The following ANK2 variants were observed in gnomAD, a reference collection of about 807,000 sequenced individuals.
ANK2 encodes the protein ankyrin-2.
ANK2 carries 83 observed loss-of-function variants against 360.5 expected under a neutral mutation model. The ratio of observed to expected loss-of-function variants is 0.23; its 90% CI spans 0.19 to 0.28. The LOEUF is 0.28. Ranked by LOEUF, ANK2 falls within the 10% of genes least tolerant of loss-of-function variation. The pLI is 1.00. For synonymous variants in ANK2, 1,740 were observed against 1,759.5 expected, an observed-to-expected ratio of 0.99 and a Z score of 0.28; for missense variants, 4,201 against 4,795.7, an observed-to-expected ratio of 0.88 and a Z score of 3.66.
At chr4:113,165,236 CATT>C (rs1426451072) in intron 1 of ANK2, among the ~76,000 whole-genome samples, 2 of 152,052 alleles carry the variant, frequency 1.3e-5, no homozygotes, top group South Asian at 2.1e-4. Context: ...ATAAGTTTTT[CATT>C]ATTTTATACC....
intron 39 of ANK2, among the ~76,000 whole-genome samples, chr4:113,362,392 C>T (rs1476163964): frequency 1.3e-5 from 2 of 152,088 alleles, no homozygotes; most frequent in African/African-American, 2.4e-5. Context: ...ACACACACCC[C>T]ATAATGTATA....
intron 2 of ANK2, among the ~76,000 whole-genome samples, chr4:112,959,101 C>T (rs557746350): frequency 2.8e-4 from 43 of 152,152 alleles, no homozygotes; most frequent in South Asian, 1.3e-3. Flanking sequence ...CCGCCCGCCT[C>T]GGCCTCCCAA....
intron 2 of ANK2, among the ~76,000 whole-genome samples, chr4:112,964,870 T>C (rs1203653022): frequency 6.6e-6 from 1 of 152,134 alleles, no homozygotes; most frequent in African/African-American, 2.4e-5. Context: ...CGCCCGGCCA[T>C]GTACCACATT....
chr4:113,254,877 A>G (rs1394987282), intron 10 of ANK2, among the ~76,000 whole-genome samples: 2 of 152,234 alleles, frequency 1.3e-5, no homozygotes, highest in Non-Finnish European at 2.9e-5. Flanking sequence ...TGGTATTAAT[A>G]AAAGACAATA....
At chr4:112,970,111 G>A (rs2038949637) in intron 2 of ANK2, among the ~76,000 whole-genome samples, 1 of 151,708 alleles carries the variant, frequency 6.6e-6, no homozygotes, top group South Asian at 2.1e-4. Flanking sequence ...AGCCTCCCAA[G>A]TAGCTGGGAT....
In ANK2 at chr4:113,179,666, C is replaced by T. The variant is rs867472732; in HGVS notation, c.186+5149C>T. Among the ~76,000 whole-genome samples the T allele has an allele frequency of 4.1e-4, 62 of 152,214 alleles. 1 individual carries two copies. The highest frequency in any genetic ancestry group is 1.4e-3 in the African/African-American group (58 of 41,546). ...ATTTAGAAGAGAAAATAAATCTTAGCGTTCAATTTATTTCTGAAACTCATA... is the reference window on the plus strand; with the variant it reads ...ATTTAGAAGAGAAAATAAATCTTAGTGTTCAATTTATTTCTGAAACTCATA... On this transcript the variant is annotated intron_variant, in intron 2 of 45. Transcript: ENST00000357077.
At chr4:112,831,200 C>T (rs945441410) in intron 1 of ANK2, among the ~76,000 whole-genome samples, 8 of 152,352 alleles carry the variant, frequency 5.3e-5, no homozygotes, top group South Asian at 4.1e-4. Context: ...GGGCACGCGG[C>T]GTGGGACTGG....
chr4:113,159,007 G>T (rs1045936315), intron 1 of ANK2, among the ~76,000 whole-genome samples: 22 of 152,132 alleles, frequency 1.4e-4, no homozygotes, highest in African/African-American at 5.3e-4. Flanking sequence ...AAAAGGTAAG[G>T]TAATATCCTC....
At chr4:112,794,604 A>G in the ANK2 span, among the ~76,000 whole-genome samples, 1 of 152,204 alleles carries the variant, frequency 6.6e-6, no homozygotes, top group Non-Finnish European at 1.5e-5. Flanking sequence ...AATTTCTTTC[A>G]TCTATATGAG....
chr4:113,005,336 C>A (rs1578836239), intron 2 of ANK2, among the ~76,000 whole-genome samples: 1 of 152,122 alleles, frequency 6.6e-6, no homozygotes, highest in South Asian at 2.1e-4. Flanking sequence ...TGGAATCAAC[C>A]TAAGTGCCCA....
At chr4:112,768,158 A>T in the ANK2 span, among the ~76,000 whole-genome samples, 2 of 152,274 alleles carry the variant, frequency 1.3e-5, no homozygotes, top group Admixed American at 1.3e-4. Context: ...TTACATTGAT[A>T]TTACTCCATA....
chr4:113,356,100 C>T lies in ANK2; in HGVS notation c.7482C>T (p.Ala2494=), dbSNP rs1285111482. 6.2e-7 allele frequency: 1 copy of T among 1,614,042 alleles called. No homozygotes were observed. The highest frequency in any genetic ancestry group is 2.2e-5 in the East Asian group (1 of 44,874). Residue 2494 remains alanine (A), a synonymous_variant, in exon 38 of 46, where the codon GCC becomes GCT. Coordinates refer to ENST00000357077, the MANE Select transcript of ANK2 (RefSeq NM_001148.6). Reference sequence around the variant, plus strand: ...ACTTTCCTCTTCCTGCAGCTGTTGCCAAAACAGAACTCTTGACGGAAGTGG... The same window carrying T: ...ACTTTCCTCTTCCTGCAGCTGTTGCTAAAACAGAACTCTTGACGGAAGTGG... ...PSHFPLPAAV[A]KTELLTEVAS...
At chr4:113,129,292 A>G in intron 1 of ANK2, among the ~76,000 whole-genome samples, 1 of 152,206 alleles carries the variant, frequency 6.6e-6, no homozygotes. Flanking sequence ...CTTGTGTTTA[A>G]CTATCAAAAA....
chr4:113,184,185 T>A (rs886913547), intron 2 of ANK2, among the ~76,000 whole-genome samples: 1 of 151,586 alleles, frequency 6.6e-6, no homozygotes, highest in Non-Finnish European at 1.5e-5. Flanking sequence ...TGCTAATGAC[T>A]ACACCCATGC....
At chr4:113,160,509 C>T in intron 1 of ANK2, 1 of 226,184 alleles carries the variant, frequency 4.4e-6, no homozygotes, top group Non-Finnish European at 9.0e-6. Flanking sequence ...ACTTGATCCC[C>T]CAAATTTTCA....
intron 1 of ANK2, among the ~76,000 whole-genome samples, chr4:112,869,577 C>G (rs568920608): frequency 2.0e-4 from 30 of 152,324 alleles, no homozygotes; most frequent in African/African-American, 7.0e-4. Context: ...GCCACCACAC[C>G]TAGCTCTCAA....
At chr4:113,109,354 C>G (rs2094023463) in intron 1 of ANK2, among the ~76,000 whole-genome samples, 1 of 152,148 alleles carries the variant, frequency 6.6e-6, no homozygotes, top group Non-Finnish European at 1.5e-5. Flanking sequence ...TTCTGCCAGT[C>G]TTTGTGGTCA....
rs538534222 is a variant in ANK2, at chr4:113,007,124, A to T, written c.21+102610A>T. 9.8e-5 allele frequency among the ~76,000 whole-genome samples: 15 copies of T among 152,350 alleles called. No homozygotes were observed. In the South Asian group the frequency reaches 2.9e-3, roughly 29 times the overall value. ...AAAAATCAGTTATTTCTTTTTGGGTACATACTTTGCTCAAATGTTATTTAC... is the reference window on the plus strand; with the variant it reads ...AAAAATCAGTTATTTCTTTTTGGGTTCATACTTTGCTCAAATGTTATTTAC... On this transcript the variant is annotated intron_variant, in intron 2 of 30. Transcript: ENST00000503271.
At chr4:112,869,309 ACT>A (rs2071925489) in intron 1 of ANK2, among the ~76,000 whole-genome samples, 1 of 150,630 alleles carries the variant, frequency 6.6e-6, no homozygotes, top group South Asian at 2.1e-4. Context: ...ACAGGATCTC[ACT>A]CTGTCACCCA....
Sources: allele counts gnomAD v4.1 joint callset (sites outside exome capture counted in the v4.1 genomes callset), GRCh38; gene constraint gnomAD v4.1.1; transcripts MANE v1.5; gene names NCBI Gene and HGNC (gene_info 2026-07-23, HGNC 2026-07-21).